ITPR2: variants seen among roughly 807,000 people sequenced by gnomAD.
ITPR2 encodes the protein inositol 1,4,5-trisphosphate-gated calcium channel ITPR2.
In ITPR2, 207 loss-of-function variants were observed where a neutral mutation model predicts 317.1. That is an observed-to-expected ratio of 0.65 (90% CI 0.58 to 0.73). The LOEUF is 0.73. ITPR2 is among the 30% of genes least tolerant of loss of function. The probability of loss-of-function intolerance (pLI) is 0.00; values close to 1 mark genes in which losing one functional copy is unlikely to be tolerated. For missense variants in ITPR2, 2,613 were observed against 3,284.0 expected (o/e 0.80, Z 4.99); for synonymous variants, 1,156 against 1,149.1 (o/e 1.01, Z -0.12).
chr12:26,772,478 A>ATAATATATAATACATGTATT (rs58056683), intron 2 of ITPR2, among the ~76,000 whole-genome samples: 2 of 80,638 alleles, frequency 2.5e-5, no homozygotes, highest in Non-Finnish European at 3.3e-5. Flanking sequence ...TATTATATAT[A>ATAATATATAATACATGTATT]ATATATATAA....
intron 51 of ITPR2, among the ~76,000 whole-genome samples, chr12:26,412,600 G>T (rs1940584487): frequency 6.6e-6 from 1 of 152,150 alleles, no homozygotes; most frequent in African/African-American, 2.4e-5. Flanking sequence ...AATTATAATT[G>T]ACTGGAGAGA....
In ITPR2 at chr12:26,337,011, G is replaced by A. The variant is rs1204129282; in HGVS notation, c.*2386C>T. On this transcript the variant is annotated 3_prime_UTR_variant, in exon 57 of 57. Transcript: ENST00000381340. Reference sequence around the variant, plus strand: ...TTTTTTTTTGCTTTATAATTTCTAAGCATTTAGGCAGAAAAGAAAGAGGCA... The same window carrying A: ...TTTTTTTTTGCTTTATAATTTCTAAACATTTAGGCAGAAAAGAAAGAGGCA... The A allele has an allele frequency of 1.9e-5, 2 of 106,464 alleles. No homozygotes were observed. The highest frequency in any genetic ancestry group is 2.0e-5 in the Non-Finnish European group (1 of 50,782). 6.6% of individuals were successfully genotyped at this position (106,464 alleles called of 1,614,324 possible).
At chr12:26,705,897 T>C (rs1948541357) in intron 9 of ITPR2, among the ~76,000 whole-genome samples, 1 of 152,224 alleles carries the variant, frequency 6.6e-6, no homozygotes, top group Non-Finnish European at 1.5e-5. Context: ...GCAATATAGG[T>C]CAAGTAATGC....
At chr12:26,439,415 G>A (rs528141243) in intron 46 of ITPR2, 96 bp from the exon 47 acceptor site, 5 of 852,816 alleles carry the variant, frequency 5.9e-6, no homozygotes, top group Middle Eastern at 2.8e-4. Flanking sequence ...AATGTTTTAT[G>A]AATTCAGTTG....
At chr12:26,379,495 A>G (rs1192729978) in intron 55 of ITPR2, among the ~76,000 whole-genome samples, 1 of 152,176 alleles carries the variant, frequency 6.6e-6, no homozygotes, top group Non-Finnish European at 1.5e-5. Flanking sequence ...GTGCAGTTAT[A>G]CCCAGTACCA....
At chr12:26,796,002 G>A (rs371081683) in intron 1 of ITPR2, among the ~76,000 whole-genome samples, 2 of 140,552 alleles carry the variant, frequency 1.4e-5, no homozygotes, top group African/African-American at 2.6e-5. Flanking sequence ...AAAAAAAAGG[G>A]GGGGGGGGCA....
At chr12:26,509,958 T>TTGTGTGTGTGTGTGTGTG (rs56063133) in intron 37 of ITPR2, among the ~76,000 whole-genome samples, 668 of 53,210 alleles carry the variant, frequency 0.013, 54 homozygotes, top group Non-Finnish European at 0.02. Flanking sequence ...GATAAGGGTT[T>TTGTGTGTGTGTGTGTGTG]TGTGTGTGTG....
At chr12:26,594,570 G>C (rs746376208) in intron 32 of ITPR2, among the ~76,000 whole-genome samples, 1 of 152,272 alleles carries the variant, frequency 6.6e-6, no homozygotes, top group East Asian at 1.9e-4. Context: ...ACTCAGGAAT[G>C]TTGGAAGGCC....
At chr12:26,553,148 C>T (rs530968735) in intron 36 of ITPR2, among the ~76,000 whole-genome samples, 7 of 152,160 alleles carry the variant, frequency 4.6e-5, no homozygotes, top group African/African-American at 1.4e-4. Context: ...TAGCTGGTTG[C>T]GTCTACCTAA....
At chr12:26,432,166 T>C (rs921000234) in intron 48 of ITPR2, among the ~76,000 whole-genome samples, 4 of 152,166 alleles carry the variant, frequency 2.6e-5, no homozygotes, top group African/African-American at 9.6e-5. Context: ...TCAAAGTTAG[T>C]CAATTTCCCA....
chr12:26,462,115 C>T (rs889787095), intron 45 of ITPR2, among the ~76,000 whole-genome samples: 11 of 151,798 alleles, frequency 7.2e-5, no homozygotes, highest in Admixed American at 6.6e-4. Flanking sequence ...ATGAGACTCA[C>T]ATACCTACAT....
chr12:26,761,364 C>G (rs1186340357), intron 2 of ITPR2, among the ~76,000 whole-genome samples: 1 of 152,208 alleles, frequency 6.6e-6, no homozygotes, highest in East Asian at 1.9e-4. Flanking sequence ...GACACCAACA[C>G]AAGGTCACAA....
chr12:26,724,911 A>T (rs1467465677), intron 3 of ITPR2, among the ~76,000 whole-genome samples, 169 bp from the exon 4 acceptor site: 2 of 152,148 alleles, frequency 1.3e-5, no homozygotes, highest in African/African-American at 4.8e-5. Flanking sequence ...TTATGTTTCC[A>T]TCATATCATA....
At chr12:26,682,500 C>A in intron 12 of ITPR2, 74 bp downstream of exon 12, 2 of 899,516 alleles carry the variant, frequency 2.2e-6, no homozygotes, top group South Asian at 3.0e-5. Flanking sequence ...GAACATGTGT[C>A]ACACAGCATT....
intron 5 of ITPR2, among the ~76,000 whole-genome samples, chr12:26,716,913 A>C (rs919958215): frequency 2.0e-5 from 3 of 152,202 alleles, no homozygotes; most frequent in Non-Finnish European, 4.4e-5. Flanking sequence ...AAAGTGCTCT[A>C]CAGAAGTAAC....
At chr12:26,507,909 G>A (rs1325278325) in intron 37 of ITPR2, among the ~76,000 whole-genome samples, 1 of 151,508 alleles carries the variant, frequency 6.6e-6, no homozygotes, top group East Asian at 1.9e-4. Context: ...CAGTGTGTAT[G>A]TGTGTAATAT....
At chr12:26,539,432 T>C (rs113861851) in intron 37 of ITPR2, among the ~76,000 whole-genome samples, 2,370 of 152,300 alleles carry the variant, frequency 0.016, 31 homozygotes, top group Non-Finnish European at 0.024. Flanking sequence ...TTTTTCCTGG[T>C]TCAAAGCCTA....
intron 35 of ITPR2, among the ~76,000 whole-genome samples, chr12:26,560,486 G>A (rs1469110740): frequency 6.6e-6 from 1 of 152,022 alleles, no homozygotes; most frequent in African/African-American, 2.4e-5. Context: ...CAGTCTTAAT[G>A]ATACTACCTA....
intron 1 of ITPR2, among the ~76,000 whole-genome samples, chr12:26,799,589 G>A (rs1027683570): frequency 7.9e-5 from 12 of 152,138 alleles, no homozygotes; most frequent in African/African-American, 2.2e-4. Flanking sequence ...GGATTTGCCC[G>A]TATATTTTGA....
Sources: gnomAD v4.1 joint callset for allele counts (sites outside exome capture counted in the v4.1 genomes callset) on GRCh38, gnomAD v4.1.1 for gene constraint, MANE v1.5 for transcripts, NCBI Gene and HGNC (gene_info 2026-07-23, HGNC 2026-07-21) for gene names.